WDR72: variants seen among roughly 807,000 people sequenced by gnomAD.
WDR72 encodes WD repeat domain 72, also known as WD repeat-containing protein 72.
A neutral mutation model predicts 124.2 loss-of-function variants in WDR72; 120 were observed. That is an observed-to-expected ratio of 0.97 (90% CI 0.83 to 1.12). The LOEUF (loss-of-function observed/expected upper bound fraction) is 1.12. Among genes scored for constraint, WDR72 ranks in the 50% most tolerant of loss-of-function variants. The pLI, the probability that WDR72 is intolerant of heterozygous loss-of-function variation, is 0.00. For synonymous variants in WDR72, 452 were observed against 441.7 expected, an observed-to-expected ratio of 1.02 and a Z score of -0.29; for missense variants, 1,387 against 1,278.8, an observed-to-expected ratio of 1.08 and a Z score of -1.29.
chr15:53,600,711 T>C (rs2013006146), intron 17 of WDR72, among the ~76,000 whole-genome samples: 1 of 152,146 alleles, frequency 6.6e-6, no homozygotes, highest in African/African-American at 2.4e-5. Flanking sequence ...TAAAACATTT[T>C]TCCCAACACT....
intron 18 of WDR72, among the ~76,000 whole-genome samples, chr15:53,535,046 A>G (rs1269239287): frequency 6.6e-6 from 1 of 152,140 alleles, no homozygotes; most frequent in African/African-American, 2.4e-5. Context: ...GTAATAAAGG[A>G]AAAAGGAAAT....
intron 19 of WDR72, among the ~76,000 whole-genome samples, chr15:53,520,170 A>AAGAAG (rs1260977893): frequency 6.6e-6 from 1 of 152,138 alleles, no homozygotes; most frequent in African/African-American, 2.4e-5. Context: ...AAGGTTTGCA[A>AAGAAG]AGAAGAGAAT....
chr15:53,607,666 T>A (rs1054877964), intron 17 of WDR72, among the ~76,000 whole-genome samples: 1 of 151,940 alleles, frequency 6.6e-6, no homozygotes, highest in Non-Finnish European at 1.5e-5. Flanking sequence ...TGGAATCACA[T>A]CAAATTTAAA....
chr15:53,547,692 G>T (rs1442547862), intron 18 of WDR72, among the ~76,000 whole-genome samples: 1 of 152,144 alleles, frequency 6.6e-6, no homozygotes, highest in African/African-American at 2.4e-5. Context: ...TCATCCACTT[G>T]TTCTGCCTTT....
chr15:53,534,469 ATAAACT>A (rs1382499123), intron 18 of WDR72, among the ~76,000 whole-genome samples: 2 of 152,144 alleles, frequency 1.3e-5, no homozygotes, highest in Non-Finnish European at 2.9e-5. Flanking sequence ...CTCATAAATC[ATAAACT>A]TAAATTTACC....
chr15:53,579,124 C>T (rs1014341868), intron 18 of WDR72, among the ~76,000 whole-genome samples: 5 of 152,064 alleles, frequency 3.3e-5, no homozygotes, highest in African/African-American at 4.8e-5. Flanking sequence ...TTAGAGTAGA[C>T]AAGTGCCAGG....
intron 14 of WDR72, among the ~76,000 whole-genome samples, chr15:53,646,868 T>C (rs1163511176): frequency 1.3e-5 from 2 of 152,074 alleles, no homozygotes; most frequent in Non-Finnish European, 2.9e-5. Context: ...GGAAGTCTCA[T>C]AACCAAAAAT....
At chr15:53,708,163 C>T (rs7183070) in intron 9 of WDR72, among the ~76,000 whole-genome samples, 2,123 of 152,228 alleles carry the variant, frequency 0.014, 59 homozygotes, top group African/African-American at 0.049. Flanking sequence ...ATGTGAATTC[C>T]GATTTTTCAT....
At chr15:53,733,267 T>C (rs1009883405) in intron 1 of WDR72, 106 bp from the exon 2 acceptor site, 1 of 1,228,530 alleles carries the variant, frequency 8.1e-7, no homozygotes, top group African/African-American at 1.5e-5. Context: ...CAATGATGTG[T>C]TCTCCCAGTG....
intron 18 of WDR72, among the ~76,000 whole-genome samples, chr15:53,557,974 G>A (rs1893990954): frequency 6.6e-6 from 1 of 151,976 alleles, no homozygotes; most frequent in Admixed American, 6.6e-5. Flanking sequence ...GGTTATTGTA[G>A]TGAATAATGG....
chr15:53,683,237 A>G (rs1224879125), intron 13 of WDR72, among the ~76,000 whole-genome samples: 1 of 152,102 alleles, frequency 6.6e-6, no homozygotes, highest in African/African-American at 2.4e-5. Context: ...CAGGGTATAC[A>G]CACATACTTA....
chr15:53,720,930 C>CA (rs1300772922), intron 3 of WDR72, among the ~76,000 whole-genome samples: 2 of 151,992 alleles, frequency 1.3e-5, no homozygotes, highest in African/African-American at 2.4e-5. Flanking sequence ...ACCATAAAGG[C>CA]AAAAATGCTA....
rs541677376 is a variant in WDR72, at chr15:53,567,005, G to T, written c.3148+30074C>A. On this transcript the variant is annotated intron_variant, in intron 18 of 19. Transcript: ENST00000360509. ...CCATGCAGAAAAGTGTCAAATTGAG[G>T]ATTTAAAGGCAACCGTTGCAGTCCC... Among the ~76,000 whole-genome samples the T allele has an allele frequency of 3.9e-5, 6 of 151,982 alleles. No individual in the cohort carries two copies. In the South Asian group the frequency reaches 1.2e-3, roughly 32 times the overall value.
rs566528255 is a variant in WDR72 at position 53,718,047 on chromosome 15, C to T, written c.261-1362G>A. 3.3e-5 allele frequency among the ~76,000 whole-genome samples: 5 copies of T among 152,224 alleles called. No individual in the cohort carries two copies. In the South Asian group the frequency reaches 1.0e-3, roughly 32 times the overall value. On this transcript the variant is annotated intron_variant, in intron 3 of 19. Transcript: ENST00000360509. ...ATATTGCAAAGGTAAAGTAATTGAA[C>T]CTTAAGCAGTCAACATTATAAAATT... is the stretch of plus-strand genomic sequence containing the variant.
chr15:53,551,178 G>C (rs529742717), intron 18 of WDR72, among the ~76,000 whole-genome samples: 19 of 152,226 alleles, frequency 1.2e-4, no homozygotes, highest in African/African-American at 4.1e-4. Context: ...GCCTGGTCTG[G>C]GGAATGGAGG....
intron 2 of WDR72, among the ~76,000 whole-genome samples, chr15:53,726,258 ATG>A (rs779537392): frequency 2.9e-5 from 2 of 69,734 alleles, no homozygotes; most frequent in African/African-American, 5.5e-5. Context: ...ATATATATGT[ATG>A]TGTGTATATA....
rs925958027 is a variant in WDR72 at position 53,731,243 on chromosome 15, C to T, written c.153+1754G>A. On this transcript the variant is annotated intron_variant, in intron 2 of 19. Transcript: ENST00000360509. Reference sequence around the variant, plus strand: ...AGGCCCGTCTTCCCCTCTGGCCTTACCTCTCTTTGATCCTTTTTCACACCT... The same window carrying T: ...AGGCCCGTCTTCCCCTCTGGCCTTATCTCTCTTTGATCCTTTTTCACACCT... Among the ~76,000 whole-genome samples the T allele has an allele frequency of 2.7e-4, 41 of 152,162 alleles. 1 individual carries two copies. The highest frequency in any genetic ancestry group is 9.9e-4 in the African/African-American group (41 of 41,544).
intron 18 of WDR72, among the ~76,000 whole-genome samples, chr15:53,543,496 T>G (rs896444864): frequency 6.7e-6 from 1 of 149,700 alleles, no homozygotes. Flanking sequence ...TTCAAAGCAG[T>G]GTGTAGAGGG....
intron 18 of WDR72, among the ~76,000 whole-genome samples, chr15:53,555,490 T>C (rs1893896043): frequency 6.6e-6 from 1 of 152,122 alleles, no homozygotes; most frequent in Non-Finnish European, 1.5e-5. Context: ...ACTCAACTTT[T>C]ATATCAGTTT....
Sources: gnomAD v4.1 joint callset for allele counts (sites outside exome capture counted in the v4.1 genomes callset) on GRCh38, gnomAD v4.1.1 for gene constraint, MANE v1.5 for transcripts, NCBI Gene and HGNC (gene_info 2026-07-23, HGNC 2026-07-21) for gene names.